The following GNAT3 variants were observed in gnomAD, a reference collection of about 807,000 sequenced individuals.
GNAT3 encodes guanine nucleotide-binding protein G(t) subunit alpha-3.
A neutral mutation model predicts 37.7 loss-of-function variants in GNAT3; 31 were observed. The observed-to-expected ratio is 0.82, with a 90% CI of 0.62 to 1.11. The LOEUF is 1.11. Ranked by LOEUF, GNAT3 falls within the 50% of genes most tolerant of loss-of-function variation. The probability of loss-of-function intolerance (pLI) is 0.00; values close to 1 mark genes in which losing one functional copy is unlikely to be tolerated. For synonymous variants in GNAT3, 138 were observed against 139.8 expected (o/e 0.99, Z 0.09); for missense variants, 437 against 412.5 (o/e 1.06, Z -0.51).
intron 1 of GNAT3, among the ~76,000 whole-genome samples, chr7:80,504,738 G>A (rs1554318554): frequency 6.6e-6 from 1 of 152,154 alleles, no homozygotes; most frequent in Non-Finnish European, 1.5e-5. Flanking sequence ...ATGGAATACT[G>A]CTTCTTTAAA....
At chr7:80,473,364 GC>G (rs1344860318) in intron 5 of GNAT3, among the ~76,000 whole-genome samples, 1 of 151,920 alleles carries the variant, frequency 6.6e-6, no homozygotes, top group African/African-American at 2.4e-5. Context: ...AATATTTGAA[GC>G]TTTTATCTTA....
At chr7:80,461,912 T>C (rs1790056662) in intron 7 of GNAT3, among the ~76,000 whole-genome samples, 1 of 152,208 alleles carries the variant, frequency 6.6e-6, no homozygotes, top group Non-Finnish European at 1.5e-5. Context: ...TGATAAAGTC[T>C]ATAGAGTAGC....
At chr7:80,463,617 AT>A (rs940202075) in intron 5 of GNAT3, among the ~76,000 whole-genome samples, 12 of 151,714 alleles carry the variant, frequency 7.9e-5, no homozygotes, top group African/African-American at 2.7e-4. Context: ...TCTTTCCTTT[AT>A]GGTAATCATC....
chr7:80,473,776 T>C (rs1205880283), intron 5 of GNAT3, among the ~76,000 whole-genome samples: 2 of 152,184 alleles, frequency 1.3e-5, no homozygotes, highest in African/African-American at 4.8e-5. Context: ...TTATAAAATA[T>C]GCCTTGTTAT....
intron 1 of GNAT3, among the ~76,000 whole-genome samples, 196 bp from the exon 2 acceptor site, chr7:80,494,843 T>C (rs1480639949): frequency 6.6e-6 from 1 of 152,152 alleles, no homozygotes; most frequent in African/African-American, 2.4e-5. Context: ...ATAGTGTGCA[T>C]TGTACCCAAC....
intron 5 of GNAT3, among the ~76,000 whole-genome samples, chr7:80,463,343 G>A (rs1790083760): frequency 8.6e-5 from 13 of 152,012 alleles, no homozygotes; most frequent in Admixed American, 8.5e-4. Context: ...TGTGGATCGA[G>A]GACTCAATTT....
chr7:80,481,529 G>A (rs568358260), intron 3 of GNAT3, among the ~76,000 whole-genome samples: 2 of 152,138 alleles, frequency 1.3e-5, no homozygotes, highest in East Asian at 3.9e-4. Flanking sequence ...TATAGAGCAG[G>A]CCCTGAAAGA....
At chr7:80,491,914 A>G (rs1283374634) in intron 2 of GNAT3, among the ~76,000 whole-genome samples, 1 of 152,204 alleles carries the variant, frequency 6.6e-6, no homozygotes, top group Non-Finnish European at 1.5e-5. Context: ...TGAAAAGCCT[A>G]ACAATATTAA....
Position 80,474,343 on chromosome 7 carries a change from C to T in GNAT3, c.498G>A (p.Gly166=). The change falls in exon 5 of 8, where the codon GGG becomes GGA. Residue 166 remains glycine, a synonymous_variant. Transcript: ENST00000398291. Reference sequence around the variant, plus strand: ...GAACATCTTGTTCATTTGGCACATACCCAGATGCTGTTATTCTATCTAAAT... The same window carrying T: ...GAACATCTTGTTCATTTGGCACATATCCAGATGCTGTTATTCTATCTAAAT... ...LNDLDRITAS[G]YVPNEQDVLH... 3 of 1,552,914 alleles carry T rather than the reference C, an allele frequency of 1.9e-6. No homozygotes were observed. Among genetic ancestry groups the T allele is most frequent in the Non-Finnish European group, 2.6e-6 (3 of 1,144,756 alleles).
chr7:80,464,789 C>A (rs1028278304), intron 5 of GNAT3, among the ~76,000 whole-genome samples: 1 of 151,792 alleles, frequency 6.6e-6, no homozygotes, highest in Non-Finnish European at 1.5e-5. Context: ...CACATATGAA[C>A]CAAGTAAAGA....
At chr7:80,469,674 G>A (rs1790177760) in intron 5 of GNAT3, among the ~76,000 whole-genome samples, 4 of 151,910 alleles carry the variant, frequency 2.6e-5, no homozygotes. Context: ...GTTTTAAATA[G>A]TCATAAGACA....
At chr7:80,491,410 A>C (rs1327116354) in intron 2 of GNAT3, among the ~76,000 whole-genome samples, 1 of 152,192 alleles carries the variant, frequency 6.6e-6, no homozygotes, top group Non-Finnish European at 1.5e-5. Flanking sequence ...GTTTGAAAGA[A>C]ATATTCTGAA....
intron 1 of GNAT3, among the ~76,000 whole-genome samples, chr7:80,511,432 A>G (rs1285047863): frequency 2.0e-5 from 3 of 152,142 alleles, no homozygotes; most frequent in African/African-American, 7.2e-5. Flanking sequence ...TTTAAACAAA[A>G]TAATATAACT....
intron 1 of GNAT3, among the ~76,000 whole-genome samples, chr7:80,502,197 G>C (rs1319475864): frequency 2.0e-5 from 3 of 151,886 alleles, no homozygotes; most frequent in Non-Finnish European, 2.9e-5. Context: ...TGTGTGGATT[G>C]TGGTGACGAT....
At chr7:80,485,718 A>G (rs997944320) in intron 3 of GNAT3, among the ~76,000 whole-genome samples, 46 of 152,186 alleles carry the variant, frequency 3.0e-4, no homozygotes, top group African/African-American at 1.1e-3. Context: ...TTCACTACCT[A>G]AATTTTAATG....
At position 80,458,677 on chromosome 7, in the gene GNAT3, A is replaced by C. The variant is rs2116129571; in HGVS notation, c.1059T>G (p.Leu353=). 1 of 1,532,366 alleles carries C rather than the reference A, an allele frequency of 6.5e-7. No individual in the cohort carries two copies. Among genetic ancestry groups the C allele is most frequent in the South Asian group, 1.3e-5 (1 of 79,786 alleles). 94.9% of individuals were successfully genotyped at this position (1,532,366 alleles called of 1,614,324 possible). The change falls in exon 8 of 8, where the codon CTT becomes CTG. Residue 353 remains leucine (L), a synonymous_variant. Transcript: ENST00000398291. ...TGGAAGAGAAAATAGTTGATTAGAA[A>C]AGCCCACAGTCTTTTAGATTCTCTT... ...IIKENLKDCG[L]F is the part of the protein sequence containing the mutation.
rs747221727 is a variant in GNAT3 at position 80,474,306 on chromosome 7, C to G, written c.535G>C (p.Val179Leu). ...PNEQDVLHSRVKTTGIIETQF... is the reference protein window; with the variant it reads ...PNEQDVLHSRLKTTGIIETQF... Reference sequence around the variant, plus strand: ...GTTTCAATGATTCCAGTCGTTTTCACTCGAGAATGGAGAACATCTTGTTCA... The same window carrying G: ...GTTTCAATGATTCCAGTCGTTTTCAGTCGAGAATGGAGAACATCTTGTTCA... Residue 179 changes from valine (V) to leucine (L), a missense_variant, in exon 5 of 8, where the codon GTG becomes CTG. Val to Leu is a conservative substitution (Grantham distance 32, BLOSUM62 1). Coordinates refer to ENST00000398291, the MANE Select transcript of GNAT3 (RefSeq NM_001102386.3). The G allele has an allele frequency of 1.3e-6, 2 of 1,585,550 alleles. No homozygotes were observed. Among genetic ancestry groups the G allele is most frequent in the Non-Finnish European group, 1.7e-6 (2 of 1,163,318 alleles).
At chr7:80,507,395 T>G (rs1380859054) in intron 1 of GNAT3, among the ~76,000 whole-genome samples, 1 of 152,098 alleles carries the variant, frequency 6.6e-6, no homozygotes, top group East Asian at 1.9e-4. Context: ...ACCTGAGTCT[T>G]GAGTCCTCAC....
intron 1 of GNAT3, among the ~76,000 whole-genome samples, chr7:80,495,505 C>G (rs539565683): frequency 6.6e-6 from 1 of 151,712 alleles, no homozygotes; most frequent in East Asian, 1.9e-4. Flanking sequence ...GAGTCCCACT[C>G]TGTCACCAGG....
Sources: gnomAD v4.1 joint callset for allele counts (sites outside exome capture counted in the v4.1 genomes callset) on GRCh38, gnomAD v4.1.1 for gene constraint, MANE v1.5 for transcripts, NCBI Gene and HGNC (gene_info 2026-07-23, HGNC 2026-07-21) for gene names.